The following ANKRD44 variants were observed in gnomAD, a reference collection of about 807,000 sequenced individuals.
ANKRD44 encodes serine/threonine-protein phosphatase 6 regulatory ankyrin repeat subunit B.
ANKRD44 carries 35 observed loss-of-function variants against 116.0 expected under a neutral mutation model. The ratio of observed to expected loss-of-function variants is 0.30; its 90% CI spans 0.23 to 0.40. The LOEUF (loss-of-function observed/expected upper bound fraction) is 0.40, where lower values mean the gene tolerates loss of function less well. Ranked by LOEUF, ANKRD44 falls within the 10% of genes least tolerant of loss-of-function variation. ANKRD44 has a pLI of 1.00. For missense variants in ANKRD44, 1,014 were observed against 1,242.6 expected, an observed-to-expected ratio of 0.82 and a Z score of 2.77; for synonymous variants, 435 against 461.8, an observed-to-expected ratio of 0.94 and a Z score of 0.74.
At chr2:196,979,273 C>A (rs957111668) in intron 21 of ANKRD44, among the ~76,000 whole-genome samples, 11 of 150,684 alleles carry the variant, frequency 7.3e-5, no homozygotes, top group African/African-American at 2.2e-4. Flanking sequence ...GTCCCAGCTA[C>A]TCGGGAGGCT....
intron 1 of ANKRD44, chr2:197,250,740 C>T (rs2082297237): frequency 6.6e-6 from 1 of 152,102 alleles, no homozygotes. Flanking sequence ...TACAGTTTCT[C>T]CAAGGTCTAC....
intron 17 of ANKRD44, among the ~76,000 whole-genome samples, chr2:197,021,490 A>G (rs2076497774): frequency 6.6e-6 from 1 of 152,198 alleles, no homozygotes; most frequent in Admixed American, 6.5e-5. Context: ...AATGATCGCC[A>G]TTCTAACTGG....
At chr2:196,979,704 A>G (rs1403382502) in intron 21 of ANKRD44, among the ~76,000 whole-genome samples, 1 of 151,756 alleles carries the variant, frequency 6.6e-6, no homozygotes, top group Non-Finnish European at 1.5e-5. Context: ...CTGGGATTAC[A>G]GGCATGTGCC....
intron 1 of ANKRD44, among the ~76,000 whole-genome samples, chr2:197,206,693 C>T (rs1481617118): frequency 6.6e-6 from 1 of 152,052 alleles, no homozygotes; most frequent in Non-Finnish European, 1.5e-5. Context: ...CCAGCCTGAG[C>T]GACAGAGCGA....
At chr2:197,159,241 T>G (rs1218004513) in intron 2 of ANKRD44, among the ~76,000 whole-genome samples, 1 of 152,242 alleles carries the variant, frequency 6.6e-6, no homozygotes, top group African/African-American at 2.4e-5. Context: ...CCAAGTTTTT[T>G]TCAACCTCCA....
intron 10 of ANKRD44, among the ~76,000 whole-genome samples, chr2:197,091,174 C>T (rs1389288658): frequency 2.0e-5 from 3 of 152,224 alleles, no homozygotes; most frequent in Non-Finnish European, 4.4e-5. Context: ...CTGTAACATG[C>T]CCTCAGGGGG....
At chr2:197,024,701 G>A (rs1026687348) in intron 17 of ANKRD44, among the ~76,000 whole-genome samples, 1 of 152,128 alleles carries the variant, frequency 6.6e-6, no homozygotes, top group East Asian at 1.9e-4. Flanking sequence ...TGAAGACCCT[G>A]ATTTCAAGTC....
At chr2:197,051,590 C>T (rs1195378375) in intron 16 of ANKRD44, among the ~76,000 whole-genome samples, 4 of 152,114 alleles carry the variant, frequency 2.6e-5, no homozygotes, top group African/African-American at 9.7e-5. Context: ...TTATTTTTTG[C>T]TCTCCACATG....
intron 1 of ANKRD44, among the ~76,000 whole-genome samples, chr2:197,255,717 C>A (rs1277395563): frequency 6.6e-6 from 1 of 152,250 alleles, no homozygotes; most frequent in Admixed American, 6.5e-5. Flanking sequence ...GTTTCCCCAG[C>A]CAGGCTGCCC....
At chr2:197,019,658 G>C (rs1474529722) in intron 17 of ANKRD44, among the ~76,000 whole-genome samples, 2 of 152,150 alleles carry the variant, frequency 1.3e-5, no homozygotes, top group Admixed American at 1.3e-4. Context: ...ATGACCATAA[G>C]TTATATGTTC....
chr2:197,071,126 C>G (rs887841051), intron 16 of ANKRD44, among the ~76,000 whole-genome samples: 4 of 152,096 alleles, frequency 2.6e-5, no homozygotes, highest in African/African-American at 9.7e-5. Flanking sequence ...CTTAGCTACA[C>G]GTTTGTCAAT....
rs1356530584 is a variant in ANKRD44 at position 197,284,683 on chromosome 2, C to T, written c.27+25895G>A. Among the ~76,000 whole-genome samples the T allele has an allele frequency of 3.3e-5, 5 of 151,916 alleles. No homozygotes were observed. In the East Asian group the frequency reaches 5.8e-4, roughly 18 times the overall value. ...GGTGGATCACTTGAGGCCAGGAGTT[C>T]GAGACCAGCCTGGCCAACATGGTGA... On this transcript the variant is annotated intron_variant, in intron 1 of 27. Coordinates refer to ENST00000282272, the MANE Select transcript of ANKRD44 (RefSeq NM_001195144.2).
At chr2:196,967,272 C>A in exon 22 of ANKRD44, 1 of 296,986 alleles carries the variant, frequency 3.4e-6, no homozygotes, top group Non-Finnish European at 7.3e-6. Context: ...TTCCCAATCA[C>A]AGACAGGCAA....
intron 4 of ANKRD44, among the ~76,000 whole-genome samples, chr2:197,131,215 G>A (rs933713174): frequency 4.0e-5 from 6 of 149,278 alleles, no homozygotes; most frequent in Non-Finnish European, 7.4e-5. Flanking sequence ...TTTTTGAGAC[G>A]GAGTCTCGCT....
chr2:197,099,859 G>A lies in ANKRD44; in HGVS notation c.1057C>T (p.Leu353Phe). ...LHVAARYGHE[L>F]LINTLITSGA... ...CTGGTTATTAAGGTGTTAATCAAAA[G>A]CTCATGACCGTATCTTGCAGCCACA... is the stretch of plus-strand genomic sequence containing the variant. The change falls in exon 10 of 28, where the codon CTT becomes TTT. Residue 353 changes from leucine to phenylalanine, a missense_variant. Coordinates refer to ENST00000282272, the MANE Select transcript of ANKRD44 (RefSeq NM_001195144.2). 1 of 1,614,148 alleles carries A rather than the reference G, an allele frequency of 6.2e-7. No individual in the cohort carries two copies. The highest frequency in any genetic ancestry group is 8.5e-7 in the Non-Finnish European group (1 of 1,180,030).
rs548538742 is a variant in ANKRD44 at position 197,117,384 on chromosome 2, C to T, written c.906+3948G>A. On this transcript the variant is annotated intron_variant, in intron 8 of 27. Coordinates refer to ENST00000282272, the MANE Select transcript of ANKRD44 (RefSeq NM_001195144.2). ...CCTCCTGTGTCGCTGGGATTACAGG[C>T]ATGCGCCACCACACCCAGCTAATTT... 2.0e-5 allele frequency among the ~76,000 whole-genome samples: 3 copies of T among 152,314 alleles called. No individual in the cohort carries two copies. The East Asian group carries it at 5.8e-4, about 29-fold the overall frequency.
intron 16 of ANKRD44, among the ~76,000 whole-genome samples, chr2:197,031,697 A>T (rs1224898642): frequency 6.6e-6 from 1 of 152,208 alleles, no homozygotes; most frequent in Non-Finnish European, 1.5e-5. Context: ...TGTAAAAATT[A>T]CCACCTAAAA....
chr2:197,194,226 C>T (rs2080893680), intron 1 of ANKRD44, among the ~76,000 whole-genome samples: 1 of 152,312 alleles, frequency 6.6e-6, no homozygotes, highest in South Asian at 2.1e-4. Context: ...GCCTTTGTTA[C>T]ACTCAGCAAC....
intron 17 of ANKRD44, among the ~76,000 whole-genome samples, chr2:197,021,378 T>C (rs948662917): frequency 6.6e-6 from 1 of 152,232 alleles, no homozygotes; most frequent in African/African-American, 2.4e-5. Flanking sequence ...ATTGCCACAG[T>C]GCCTTCCACA....
Sources: gnomAD v4.1 joint callset for allele counts (sites outside exome capture counted in the v4.1 genomes callset) on GRCh38, gnomAD v4.1.1 for gene constraint, MANE v1.5 for transcripts, NCBI Gene and HGNC (gene_info 2026-07-23, HGNC 2026-07-21) for gene names.